Variants in PLD2 observed in about 807,000 individuals in gnomAD.
The protein encoded by PLD2 is choline phosphatase 2.
Under a neutral mutation model 119.8 loss-of-function variants are expected in PLD2, and 101 were observed. The observed-to-expected ratio is 0.84, with a 90% confidence interval of 0.72 to 0.99. The LOEUF is 0.99. PLD2 is among the 50% of genes least tolerant of loss of function. The pLI is 0.00. For synonymous variants in PLD2, 494 were observed against 482.8 expected, an observed-to-expected ratio of 1.02 and a Z score of -0.30; for missense variants, 1,164 against 1,226.8, an observed-to-expected ratio of 0.95 and a Z score of 0.76.
Position 4,817,388 on chromosome 17 carries a change from C to T in PLD2, c.1815+129C>T, listed in dbSNP as rs959101683. 1.7e-4 allele frequency: 124 copies of T among 713,630 alleles called. 1 individual carries two copies. The highest frequency in any genetic ancestry group is 9.5e-4 in the Admixed American group (47 of 49,624). 44.2% of individuals were successfully genotyped at this position (713,630 alleles called of 1,614,324 possible). On this transcript the variant is annotated intron_variant, in intron 17 of 24. Coordinates refer to ENST00000263088, the MANE Select transcript of PLD2 (RefSeq NM_002663.5). Reference sequence around the variant, plus strand: ...GGTTAAGAAGCACATCACGGCCAGGCACGGTGGCTCACGCCTATAATCCCA... The same window carrying T: ...GGTTAAGAAGCACATCACGGCCAGGTACGGTGGCTCACGCCTATAATCCCA...
At chr17:4,815,161 A>G (rs1906846192) in intron 12 of PLD2, among the ~76,000 whole-genome samples, 1 of 151,950 alleles carries the variant, frequency 6.6e-6, no homozygotes, top group South Asian at 2.1e-4. Flanking sequence ...TATGAGTTGG[A>G]AAGGTGGAGG....
In PLD2 at chr17:4,814,228, A is replaced by G. The variant is rs568374316; in HGVS notation, c.1011-190A>G. 140 of 763,716 alleles carry G rather than the reference A, an allele frequency of 1.8e-4. No homozygotes were observed. In the African/African-American group the frequency reaches 2.3e-3, roughly 12 times the overall value. 47.3% of individuals were successfully genotyped at this position (763,716 alleles called of 1,614,324 possible). On this transcript the variant is annotated intron_variant, in intron 10 of 24. Coordinates refer to ENST00000263088, the MANE Select transcript of PLD2 (RefSeq NM_002663.5). ...TGATTAGGTTATTGTGTCTTTTTGT[A>G]ATTTTTATTTGTATTTAGCGCATAT... is the stretch of plus-strand genomic sequence containing the variant.
rs1047334653 is a variant in PLD2, at chr17:4,823,082, C to G, written c.*218C>G. 45 of 553,272 alleles carry G rather than the reference C, an allele frequency of 8.1e-5. No homozygotes were observed. Among genetic ancestry groups the G allele is most frequent in the Non-Finnish European group, 1.3e-4 (40 of 310,330 alleles). The allele number at this position is 553,272 out of a possible 1,614,324, so 34.3% of individuals were successfully genotyped here. A position where few individuals can be genotyped will look rare whatever the true frequency, so the allele number is the denominator to read the frequency against. ...TGGGGAGGAGGAGAGAGTCCCAGAG[C>G]TCATCCCCCCTGCTGCCCAGTGCAA... On this transcript the variant is annotated 3_prime_UTR_variant, in exon 25 of 25. Coordinates refer to ENST00000263088, the MANE Select transcript of PLD2 (RefSeq NM_002663.5).
chr17:4,809,631 T>C lies in PLD2; in HGVS notation c.615-60T>C, dbSNP rs2150668748. 1.9e-6 allele frequency: 3 copies of C among 1,610,338 alleles called. No homozygotes were observed. In the South Asian group the frequency reaches 3.3e-5, roughly 18 times the overall value. ...CCCTGCCTGAGATTGGGGCAAGCAG[T>C]GCAGGGTGGGCTGGGGGTCTGGAGT... On this transcript the variant is annotated intron_variant, in intron 7 of 24. Coordinates refer to ENST00000263088, the MANE Select transcript of PLD2 (RefSeq NM_002663.5).
chr17:4,820,261 TTTG>T (rs35037094), intron 23 of PLD2, among the ~76,000 whole-genome samples: 59,116 of 147,810 alleles, frequency 0.4, 13,143 homozygotes, highest in Non-Finnish European at 0.51. Context: ...AGAAATCTTT[TTTG>T]TTGTTGTTGT....
In PLD2 at chr17:4,821,701, G is replaced by C. The variant is rs1907684160; in HGVS notation, c.2463-92G>C. 6 of 890,990 alleles carry C rather than the reference G, an allele frequency of 6.7e-6. No individual in the cohort carries two copies. The East Asian group carries it at 1.0e-4, about 15-fold the overall frequency. The allele number at this position is 890,990 out of a possible 1,614,324, so 55.2% of individuals were successfully genotyped here. The stretch of plus-strand genomic sequence containing the variant: ...TGAGCCACCGCACCCAGCCAATTTT[G>C]AATTACCTGAGTAGGGACAATGTAA... On this transcript the variant is annotated intron_variant, in intron 23 of 24. Coordinates refer to ENST00000263088, the MANE Select transcript of PLD2 (RefSeq NM_002663.5).
At chr17:4,818,407 G>C in intron 19 of PLD2, 22 bp downstream of exon 19, 1 of 1,612,284 alleles carries the variant, frequency 6.2e-7, no homozygotes, top group Non-Finnish European at 8.5e-7. Flanking sequence ...TGTCAGGAAG[G>C]TGGGGACTGT....
intron 8 of PLD2, 24 bp from the exon 9 acceptor site, chr17:4,809,853 A>G: frequency 6.2e-7 from 1 of 1,614,066 alleles, no homozygotes; most frequent in Non-Finnish European, 8.5e-7. Flanking sequence ...GCAGAGAGGA[A>G]CACACGGAGC....
Position 4,808,260 on chromosome 17 carries a change from C to T in PLD2, c.241-14C>T. ...CCACGCAGGGGACATCCATTCAGTT[C>T]CTCATACCCCTAGGTGGGAACCTGC... On this transcript the variant is annotated splice_polypyrimidine_tract_variant and intron_variant, in intron 3 of 24. Transcript: ENST00000263088. The surrounding 1 kb of genome is among the most constrained non-coding windows in gnomAD (Gnocchi z 4.1). The T allele has an allele frequency of 5.0e-6, 8 of 1,613,282 alleles. No individual in the cohort carries two copies. The highest frequency in any genetic ancestry group is 6.8e-6 in the Non-Finnish European group (8 of 1,179,468).
Position 4,809,964 on chromosome 17 carries a change from T to A in PLD2, c.795T>A (p.Phe265Leu), listed in dbSNP as rs1906281126. The change falls in exon 9 of 25, where the codon TTT (phenylalanine) becomes TTA (leucine). Residue 265 changes from phenylalanine to leucine, a missense_variant. Coordinates refer to ENST00000263088, the MANE Select transcript of PLD2 (RefSeq NM_002663.5). ...TTGTTCAGCTCTTTGACCCTGGCTT[T>A]GAGGTGCAAGTGGGGAAAAGGAGCA... is the stretch of plus-strand genomic sequence containing the variant. ...ISFVQLFDPG[F>L]EVQVGKRSTE... is the part of the protein sequence containing the mutation. 1 of 1,613,964 alleles carries A rather than the reference T, an allele frequency of 6.2e-7. No individual in the cohort carries two copies. The highest frequency in any genetic ancestry group is 8.5e-7 in the Non-Finnish European group (1 of 1,180,008).
Position 4,819,383 on chromosome 17 carries a change from G to C in PLD2, c.2309-46G>C. 1 of 1,608,906 alleles carries C rather than the reference G, an allele frequency of 6.2e-7. No individual in the cohort carries two copies. The highest frequency in any genetic ancestry group is 8.5e-7 in the Non-Finnish European group (1 of 1,177,442). On this transcript the variant is annotated intron_variant, in intron 22 of 24. Transcript: ENST00000263088. The surrounding 1 kb of genome is among the most constrained non-coding windows in gnomAD (Gnocchi z 4.2). Reference sequence around the variant, plus strand: ...GGTAGAGGGGATGGGGTACTGGGGAGAGTGCCCTGGGCCCAAGCACACAGT... The same window carrying C: ...GGTAGAGGGGATGGGGTACTGGGGACAGTGCCCTGGGCCCAAGCACACAGT...
At position 4,821,774 on chromosome 17, in the gene PLD2, G is replaced by A. The variant is rs1351099986; in HGVS notation, c.2463-19G>A. On this transcript the variant is annotated intron_variant, in intron 23 of 24. Transcript: ENST00000263088. ...TAAGGATCTTAATCTGGCCCTGCTGGGACCCCTTTCTCCTATAGTGTGATT... is the reference window on the plus strand; with the variant it reads ...TAAGGATCTTAATCTGGCCCTGCTGAGACCCCTTTCTCCTATAGTGTGATT... 3 of 1,548,396 alleles carry A rather than the reference G, an allele frequency of 1.9e-6. No homozygotes were observed. The highest frequency in any genetic ancestry group is 2.7e-6 in the Non-Finnish European group (3 of 1,120,418).
chr17:4,818,945 C>A (rs1476423217), intron 21 of PLD2, 122 bp downstream of exon 21: 2 of 1,478,164 alleles, frequency 1.4e-6, no homozygotes, highest in Non-Finnish European at 1.9e-6. Flanking sequence ...GCTACGCAGA[C>A]CATAGCTGGC....
chr17:4,813,876 A>T (rs984128291), intron 10 of PLD2, among the ~76,000 whole-genome samples: 6 of 152,052 alleles, frequency 3.9e-5, no homozygotes, highest in Non-Finnish European at 5.9e-5. Context: ...CTATATATAT[A>T]TTTTTTGATA....
Position 4,815,936 on chromosome 17 carries a change from T to C in PLD2, c.1455+2T>C. 1.9e-6 allele frequency: 3 copies of C among 1,608,398 alleles called. No individual in the cohort carries two copies. The highest frequency in any genetic ancestry group is 2.6e-6 in the Non-Finnish European group (3 of 1,174,920). On this transcript the variant is annotated splice_donor_variant, in intron 14 of 24. Transcript: ENST00000263088. LOFTEE classifies it high-confidence loss of function. ...TCCTCTGAATCAGCTGCCTCCCAGG[T>C]AATCCCCCTGAGGCCTTCCTGAGCA...
intron 17 of PLD2, 80 bp from the exon 18 acceptor site, chr17:4,817,922 C>T (rs1046265248): frequency 5.3e-6 from 5 of 940,536 alleles, no homozygotes; most frequent in Non-Finnish European, 8.3e-6. Context: ...CATGCCACTG[C>T]ACTCCAGCCT....
intron 17 of PLD2, 164 bp downstream of exon 17, chr17:4,817,423 A>T: frequency 1.6e-6 from 1 of 622,560 alleles, no homozygotes; most frequent in South Asian, 1.8e-5. Flanking sequence ...AGCACTTTGG[A>T]AGGCCAAGGC....
At chr17:4,809,004 CTCT>C in intron 4 of PLD2, 93 bp from the exon 5 acceptor site, 2 of 972,024 alleles carry the variant, frequency 2.1e-6, no homozygotes, top group Non-Finnish European at 3.2e-6. Context: ...ACCTCCAGGC[CTCT>C]TCTTTTCCTC....
rs1316458500 is a variant in PLD2, at chr17:4,819,411, G to A, written c.2309-18G>A. On this transcript the variant is annotated intron_variant, in intron 22 of 24. Transcript: ENST00000263088. This position sits in a 1 kb window ranked among gnomAD's most constrained non-coding sequence, Gnocchi z 4.2. ...TGCCCTGGGCCCAAGCACACAGTGT[G>A]CCCCGCATCCACCCCAGGTTCTGCA... 1 of 1,611,892 alleles carries A rather than the reference G, an allele frequency of 6.2e-7. No homozygotes were observed. The highest frequency in any genetic ancestry group is 1.1e-5 in the South Asian group (1 of 90,816).
Sources: gnomAD v4.1 joint callset for allele counts (sites outside exome capture counted in the v4.1 genomes callset) on GRCh38, gnomAD v4.1.1 for gene constraint, Gnocchi (gnomAD v3.1) non-coding constraint, MANE v1.5 for transcripts, NCBI Gene and HGNC (gene_info 2026-07-23, HGNC 2026-07-21) for gene names.